DHRS12: variants seen among roughly 807,000 people sequenced by gnomAD.
The protein encoded by DHRS12 is dehydrogenase/reductase 12.
A neutral mutation model predicts 32.1 loss-of-function variants in DHRS12; 29 were observed. That is an observed-to-expected ratio of 0.90 (90% CI 0.67 to 1.23). The LOEUF (loss-of-function observed/expected upper bound fraction) is 1.23, where lower values mean the gene tolerates loss of function less well. Among genes scored for constraint, DHRS12 ranks in the 50% most tolerant of loss-of-function variants. The pLI, the probability that DHRS12 is intolerant of heterozygous loss-of-function variation, is 0.00. For missense variants in DHRS12, 330 were observed against 337.2 expected (o/e 0.98, Z 0.17); for synonymous variants, 150 against 135.9 (o/e 1.10, Z -0.72).
chr13:51,777,466 G>C (rs143825304), intron 4 of DHRS12: 6 of 269,410 alleles, frequency 2.2e-5, no homozygotes, highest in Non-Finnish European at 4.3e-5. Flanking sequence ...ATGTGAAGAT[G>C]AAATTTAGCA....
chr13:51,789,926 A>T, intron 4 of DHRS12, 85 bp downstream of exon 4: 1 of 1,455,588 alleles, frequency 6.9e-7, no homozygotes, highest in Non-Finnish European at 9.1e-7. Flanking sequence ...AGAACCAAAA[A>T]AGTTGGTCAA....
intron 7 of DHRS12, chr13:51,770,983 TA>T: frequency 7.3e-7 from 1 of 1,373,762 alleles, no homozygotes; most frequent in African/African-American, 1.4e-5. Context: ...AGGCTTCTGA[TA>T]AATAGTGATT....
intron 8 of DHRS12, chr13:51,768,553 T>C (rs1953858417): frequency 1.5e-6 from 2 of 1,347,356 alleles, no homozygotes; most frequent in Non-Finnish European, 1.9e-6. Context: ...CAGGAAGGGG[T>C]GCGGCCATCC....
At chr13:51,774,423 AGTATTCTCCTACAT>A (rs1417069369) in intron 5 of DHRS12, 3 of 88,574 alleles carry the variant, frequency 3.4e-5, no homozygotes, top group African/African-American at 6.6e-5. Context: ...ATTCTCCTAC[AGTATTCTCCTACAT>A]GTATTCTCCT....
At chr13:51,787,659 AAATAT>A (rs1955017489) in intron 4 of DHRS12, among the ~76,000 whole-genome samples, 1 of 144,732 alleles carries the variant, frequency 6.9e-6, no homozygotes, top group Non-Finnish European at 1.5e-5. Flanking sequence ...GCACTAAATT[AAATAT>A]AAGTATATAT....
downstream of DHRS12, chr13:51,765,916 T>C (rs1188745697): frequency 6.6e-6 from 1 of 152,208 alleles, no homozygotes; most frequent in Non-Finnish European, 1.5e-5. Flanking sequence ...TGTCAAGAAT[T>C]GCAGGTTGGC....
At chr13:51,756,605 C>T in the DHRS12 span, 3 of 1,377,972 alleles carry the variant, frequency 2.2e-6, no homozygotes, top group Non-Finnish European at 2.8e-6. Flanking sequence ...TAAAAGCTCT[C>T]CTTTGCCACC....
downstream of DHRS12, chr13:51,765,083 GT>G (rs1318603274): frequency 3.9e-5 from 6 of 152,158 alleles, no homozygotes; most frequent in East Asian, 1.2e-3. Flanking sequence ...AAGGCAGAGA[GT>G]TTCGTCAATT....
downstream of DHRS12, chr13:51,766,633 G>C (rs1953758989): frequency 2.6e-5 from 4 of 152,210 alleles, no homozygotes; most frequent in South Asian, 8.3e-4. Flanking sequence ...TCTGTATCCA[G>C]GCCCCCAATC....
chr13:51,763,380 A>G (rs903133634), downstream of DHRS12: 3 of 152,218 alleles, frequency 2.0e-5, no homozygotes, highest in African/African-American at 7.2e-5. Flanking sequence ...AGACCACCCC[A>G]GAGGCAAAAC....
intron 1 of DHRS12, among the ~76,000 whole-genome samples, chr13:51,800,034 T>C (rs938613316): frequency 6.6e-6 from 1 of 152,154 alleles, no homozygotes; most frequent in African/African-American, 2.4e-5. Flanking sequence ...AGGAGACCAT[T>C]TGCATTGTGC....
the DHRS12 span, chr13:51,760,814 G>A: frequency 2.6e-5 from 4 of 152,316 alleles, no homozygotes; most frequent in Admixed American, 6.5e-5. Context: ...AGAATCTGAC[G>A]CCACCGCTGA....
chr13:51,797,909 C>T, intron 2 of DHRS12: 1 of 1,535,946 alleles, frequency 6.5e-7, no homozygotes, highest in Non-Finnish European at 8.7e-7. Context: ...ACTGTGCCAC[C>T]TGGTGGAATT....
At chr13:51,775,595 AT>A (rs376885827) in intron 5 of DHRS12, 25 of 6,064 alleles carry the variant, frequency 4.1e-3, no homozygotes, top group Non-Finnish European at 9.8e-3. Context: ...ATTCTCCTAC[AT>A]GTATTCTCCT....
chr13:51,777,502 T>A (rs752577802), intron 4 of DHRS12: 13 of 210,272 alleles, frequency 6.2e-5, no homozygotes, highest in Middle Eastern at 1.8e-3. Flanking sequence ...GTCTCAAGGG[T>A]GGAATTCAGT....
intron 4 of DHRS12, among the ~76,000 whole-genome samples, chr13:51,786,080 C>T (rs533731548): frequency 6.6e-6 from 1 of 152,160 alleles, no homozygotes; most frequent in Non-Finnish European, 1.5e-5. Context: ...GGGATGTGCC[C>T]GAGGAGGGTG....
chr13:51,792,060 G>A (rs879287793), intron 2 of DHRS12, among the ~76,000 whole-genome samples: 2 of 152,232 alleles, frequency 1.3e-5, no homozygotes, highest in Non-Finnish European at 2.9e-5. Context: ...CAATGGACGT[G>A]AAGGTGCTAA....
chr13:51,756,054 G>A, the DHRS12 span, among the ~76,000 whole-genome samples: 1 of 152,158 alleles, frequency 6.6e-6, no homozygotes, highest in East Asian at 1.9e-4. Flanking sequence ...TGGTTCCTCT[G>A]TAGTTCCTAG....
intron 2 of DHRS12, among the ~76,000 whole-genome samples, chr13:51,795,872 G>C (rs952957364): frequency 6.6e-6 from 1 of 152,024 alleles, no homozygotes; most frequent in African/African-American, 2.4e-5. Flanking sequence ...CATACTATTT[G>C]TCCCCCAACC....
Sources: allele counts gnomAD v4.1 joint callset (sites outside exome capture counted in the v4.1 genomes callset), GRCh38; gene constraint gnomAD v4.1.1; transcripts MANE v1.5; gene names NCBI Gene and HGNC (gene_info 2026-07-23, HGNC 2026-07-21).